CYB561A3: variants seen among roughly 807,000 people sequenced by gnomAD.
CYB561A3 encodes the protein lysosomal membrane ascorbate-dependent ferrireductase CYB561A3.
A neutral mutation model predicts 25.3 loss-of-function variants in CYB561A3; 16 were observed. The ratio of observed to expected loss-of-function variants is 0.63; its 90% CI spans 0.43 to 0.96. The LOEUF (loss-of-function observed/expected upper bound fraction) is 0.96. Among genes scored for constraint, CYB561A3 ranks in the 40% least tolerant of loss-of-function variants. The pLI, the probability that CYB561A3 is intolerant of heterozygous loss-of-function variation, is 0.00. For missense variants in CYB561A3, 219 were observed against 307.5 expected (o/e 0.71, Z 2.15); for synonymous variants, 131 against 129.9 (o/e 1.01, Z -0.06).
upstream of CYB561A3, chr11:61,362,126 G>A (rs1857924183): frequency 6.6e-6 from 1 of 152,388 alleles, no homozygotes; most frequent in South Asian, 2.1e-4. Flanking sequence ...AAATGTTCAG[G>A]TGAACGCGAA....
rs1857680312 is a variant in CYB561A3 at position 61,357,129 on chromosome 11, A to G, written c.-15-401T>C. ...ATCAAAATCCAGGCTAAATTACGCA[A>G]ACACCCAGGCCTTGGGTTCTAAGAT... On this transcript the variant is annotated intron_variant, in intron 2 of 6. Coordinates refer to ENST00000294072, the MANE Select transcript of CYB561A3 (RefSeq NM_153611.6). 2.6e-6 allele frequency: 4 copies of G among 1,525,482 alleles called. No homozygotes were observed. In the Admixed American group the frequency reaches 7.8e-5, roughly 30 times the overall value. The allele number at this position is 1,525,482 out of a possible 1,614,324, so 94.5% of individuals were successfully genotyped here.
At chr11:61,351,267 G>A in intron 5 of CYB561A3, 120 bp from the exon 6 acceptor site, 4 of 582,226 alleles carry the variant, frequency 6.9e-6, no homozygotes, top group Non-Finnish European at 5.3e-6. Context: ...ATGTGATCTA[G>A]AATTTTAACA....
In CYB561A3 at chr11:61,354,127, T is replaced by C. The variant is rs181537693; in HGVS notation, c.185-135A>G. 176 of 840,478 alleles carry C rather than the reference T, an allele frequency of 2.1e-4. No homozygotes were observed. The East Asian group carries it at 4.3e-3, about 21-fold the overall frequency. The allele number at this position is 840,478 out of a possible 1,614,324, so 52.1% of individuals were successfully genotyped here. ...ATGCTAGGGCACTGGTATCAACTCC[T>C]CGGCATCTTCTACCCTCCCATGATT... is the stretch of plus-strand genomic sequence containing the variant. On this transcript the variant is annotated intron_variant, in intron 3 of 6. Coordinates refer to ENST00000294072, the MANE Select transcript of CYB561A3 (RefSeq NM_153611.6).
intron 2 of CYB561A3, chr11:61,357,453 G>A: frequency 3.9e-6 from 2 of 512,578 alleles, no homozygotes; most frequent in East Asian, 3.5e-5. Flanking sequence ...ATTTCCACAA[G>A]TCCTTGATAA....
intron 2 of CYB561A3, chr11:61,357,111 T>G (rs757621666): frequency 2.7e-6 from 4 of 1,496,562 alleles, no homozygotes; most frequent in Non-Finnish European, 3.6e-6. Context: ...GGAATCAAAA[T>G]CCAGGCTAAA....
chr11:61,351,253 C>T lies in CYB561A3; in HGVS notation c.549-106G>A, dbSNP rs553903555. 1.6e-5 allele frequency: 19 copies of T among 1,157,440 alleles called. No homozygotes were observed. The South Asian group carries it at 3.5e-4, about 21-fold the overall frequency. 71.7% of individuals were successfully genotyped at this position (1,157,440 alleles called of 1,614,324 possible). ...AGAGGGTGAGAAAACCTTCCCGGGT[C>T]CATATGTGATCTAGAATTTTAACAC... On this transcript the variant is annotated intron_variant, in intron 5 of 6. Coordinates refer to ENST00000294072, the MANE Select transcript of CYB561A3 (RefSeq NM_153611.6).
intron 5 of CYB561A3, chr11:61,352,691 CAACAATACCA>C: frequency 2.7e-6 from 2 of 744,054 alleles, no homozygotes; most frequent in South Asian, 4.8e-5. Flanking sequence ...ATGGCAATGA[CAACAATACCA>C]ATCAATACCA....
intron 2 of CYB561A3, chr11:61,356,992 C>G (rs1003719090): frequency 2.0e-6 from 3 of 1,466,776 alleles, no homozygotes; most frequent in Admixed American, 4.9e-5. Context: ...CTGGCCCTGG[C>G]GAAGGCCAGA....
chr11:61,354,306 A>G, intron 3 of CYB561A3: 1 of 391,904 alleles, frequency 2.6e-6, no homozygotes, highest in Admixed American at 3.9e-5. Flanking sequence ...ACAGTGAGCT[A>G]TGATCATGCC....
In CYB561A3 at chr11:61,356,545, C is replaced by T. The variant is rs1232455922; in HGVS notation, c.169G>A (p.Val57Ile). 3.1e-6 allele frequency: 5 copies of T among 1,613,992 alleles called. No homozygotes were observed. The highest frequency in any genetic ancestry group is 3.3e-4 in the Middle Eastern group (2 of 6,054). Residue 57 changes from valine to isoleucine, a missense_variant, in exon 3 of 7, where the codon GTA becomes ATA. By Grantham distance (29) the Val-to-Ile change is conservative. Transcript: ENST00000294072. Reference sequence around the variant, plus strand: ...TCTTACTCACCACCTCCATAGAATACCACCATGCCAGCAACCATAAGCACT... The same window carrying T: ...TCTTACTCACCACCTCCATAGAATATCACCATGCCAGCAACCATAAGCACT... ...HPVLMVAGMV[V>I]FYGGASLVYR... is the part of the protein sequence containing the mutation.
intron 3 of CYB561A3, chr11:61,356,190 A>G: frequency 4.1e-6 from 1 of 242,700 alleles, no homozygotes; most frequent in Non-Finnish European, 8.0e-6. Context: ...CGTGATCCAC[A>G]CTTGTGTGTA....
intron 4 of CYB561A3, chr11:61,353,384 T>C: frequency 1.6e-6 from 1 of 607,102 alleles, no homozygotes; most frequent in Non-Finnish European, 2.9e-6. Context: ...CTTGTTTGTC[T>C]CTGGTTCCTT....
Position 61,349,443 on chromosome 11 carries a change from G to A in CYB561A3, c.*956C>T, listed in dbSNP as rs1022530228. 37 of 669,124 alleles carry A rather than the reference G, an allele frequency of 5.5e-5. No homozygotes were observed. Among genetic ancestry groups the A allele is most frequent in the East Asian group, 3.3e-4 (12 of 36,468 alleles). The allele number at this position is 669,124 out of a possible 1,614,324, so 41.4% of individuals were successfully genotyped here. A position where few individuals can be genotyped will look rare whatever the true frequency, so the allele number is the denominator to read the frequency against. On this transcript the variant is annotated 3_prime_UTR_variant, in exon 7 of 7. Transcript: ENST00000294072. The stretch of plus-strand genomic sequence containing the variant: ...GAGAGCAAGGCCAGACCTGCCCAGC[G>A]GGAGGCAGGAAGGCCCTGATCCAGC...
At chr11:61,357,144 G>T in intron 2 of CYB561A3, 1 of 1,539,148 alleles carries the variant, frequency 6.5e-7, no homozygotes, top group Non-Finnish European at 8.8e-7. Flanking sequence ...CCAGGCCTTG[G>T]GTTCTAAGAT....
chr11:61,356,999 C>G, intron 2 of CYB561A3: 3 of 1,471,572 alleles, frequency 2.0e-6, no homozygotes, highest in Non-Finnish European at 2.7e-6. Context: ...TGGCGAAGGC[C>G]AGATGCCAAG....
chr11:61,355,555 C>T (rs1312213145), intron 3 of CYB561A3, among the ~76,000 whole-genome samples: 2 of 151,902 alleles, frequency 1.3e-5, no homozygotes, highest in Non-Finnish European at 2.9e-5. Flanking sequence ...ATGGCGGGCA[C>T]CTATAATCTC....
Position 61,356,623 on chromosome 11 carries a change from A to G in CYB561A3, c.91T>C (p.Trp31Arg). ...CCATTCCAGGCAAAGCCACCACGCC[A>G]GTACTGCATCCAGTAGATAGTGAAG... The part of the protein sequence containing the change: ...ILFTIYWMQY[W>R]RGGFAWNGSI... Residue 31 changes from tryptophan (W) to arginine (R), a missense_variant, in exon 3 of 7, where the codon TGG becomes CGG. Physicochemically the swap from Trp to Arg is moderately radical, Grantham distance 101. Coordinates refer to ENST00000294072, the MANE Select transcript of CYB561A3 (RefSeq NM_153611.6). 6.2e-7 allele frequency: 1 copy of G among 1,614,198 alleles called. No individual in the cohort carries two copies. The highest frequency in any genetic ancestry group is 8.5e-7 in the Non-Finnish European group (1 of 1,180,038).
Position 61,349,747 on chromosome 11 carries a change from G to GC in CYB561A3, c.*651dup. The GC allele has an allele frequency of 1.5e-6, 1 of 668,188 alleles. No homozygotes were observed. The highest frequency in any genetic ancestry group is 2.8e-6 in the Non-Finnish European group (1 of 363,376). The allele number at this position is 668,188 out of a possible 1,614,324, so 41.4% of individuals were successfully genotyped here. ...CAGCTCCTCAGCAGAAGCTGCGTGG[G>GC]CCGCCACTCCCCCTTTCTGCAATCA... On this transcript the variant is annotated 3_prime_UTR_variant, in exon 7 of 7. Transcript: ENST00000294072.
At chr11:61,357,036 C>T in intron 2 of CYB561A3, 1 of 1,444,640 alleles carries the variant, frequency 6.9e-7, no homozygotes, top group Non-Finnish European at 9.4e-7. Flanking sequence ...CCTGGGATTC[C>T]TCTCCCCTCA....
Sources: allele counts gnomAD v4.1 joint callset (sites outside exome capture counted in the v4.1 genomes callset), GRCh38; gene constraint gnomAD v4.1.1; transcripts MANE v1.5; gene names NCBI Gene and HGNC (gene_info 2026-07-23, HGNC 2026-07-21).